Variants in ADGRE5 observed in about 807,000 individuals in gnomAD.
ADGRE5 encodes the protein adhesion G protein-coupled receptor E5, also known as CD97 molecule.
A neutral mutation model predicts 100.3 loss-of-function variants in ADGRE5; 72 were observed. That is an observed-to-expected ratio of 0.72 (90% CI 0.59 to 0.87). The LOEUF (loss-of-function observed/expected upper bound fraction) is 0.87. Ranked by LOEUF, ADGRE5 falls within the 40% of genes least tolerant of loss-of-function variation. ADGRE5 has a pLI of 0.00. For missense variants in ADGRE5, 959 were observed against 1,094.7 expected (o/e 0.88, Z 1.75); for synonymous variants, 439 against 447.8 (o/e 0.98, Z 0.25).
At position 14,391,018 on chromosome 19, in the gene ADGRE5, G is replaced by A. The variant is rs147816079; in HGVS notation, c.285G>A (p.Pro95=). ...TEGSYDCVCS[P]GYEPVSGAKT... ...GGAGCTACGACTGCGTGTGCAGCCC[G>A]GGATATGAGCCTGTTTCTGGGGCAA... The change falls in exon 4 of 20, where the codon CCG becomes CCA. Residue 95 remains proline, a synonymous_variant. Transcript: ENST00000242786. 67 of 1,614,096 alleles carry A rather than the reference G, an allele frequency of 4.2e-5. No homozygotes were observed. Among genetic ancestry groups the A allele is most frequent in the African/African-American group, 1.7e-4 (13 of 74,930 alleles).
intron 12 of ADGRE5, among the ~76,000 whole-genome samples, chr19:14,403,916 A>G (rs8102011): frequency 0.044 from 5,017 of 113,324 alleles, 121 homozygotes; most frequent in Middle Eastern, 0.1. Flanking sequence ...CACTCTTGTC[A>G]TCCAGGCTGG....
rs1976004003 is a variant in ADGRE5 at position 14,401,403 on chromosome 19, G to A, written c.915G>A (p.Val305=). ...CCCCCTAGAATGTCATCAAATTGGTGGATGAACTGATGGAAGCTCCTGGAG... is the reference window on the plus strand; with the variant it reads ...CCCCCTAGAATGTCATCAAATTGGTAGATGAACTGATGGAAGCTCCTGGAG... ...EVTIQNVIKL[V]DELMEAPGDV... is the part of the protein sequence containing the mutation. Residue 305 remains valine (V), a synonymous_variant, in exon 10 of 20, where the codon GTG becomes GTA. Coordinates refer to ENST00000242786, the MANE Select transcript of ADGRE5 (RefSeq NM_078481.4). This position sits in a 1 kb window ranked among gnomAD's most constrained non-coding sequence, Gnocchi z 4.1. The A allele has an allele frequency of 6.2e-7, 1 of 1,613,924 alleles. No individual in the cohort carries two copies. Among genetic ancestry groups the A allele is most frequent in the Admixed American group, 1.7e-5 (1 of 59,976 alleles).
chr19:14,402,701 T>A lies in ADGRE5; in HGVS notation c.1288T>A (p.Tyr430Asn). The change falls in exon 12 of 20, where the codon TAT (tyrosine) becomes AAT (asparagine). Residue 430 changes from tyrosine (Y) to asparagine (N), a missense_variant. By Grantham distance (143) the Tyr-to-Asn change is moderately radical. Around this residue, in one of 6 missense-constraint regions of ADGRE5, gnomAD observed 246 missense variants for 242.2 expected, o/e 1.02. Coordinates refer to ENST00000242786, the MANE Select transcript of ADGRE5 (RefSeq NM_078481.4). ...GAAGCAAGCCGAACTGGAGGAGATA[T>A]ATGAAAGCAGCATCCGTGGTGTCCA... ...SKKQAELEEI[Y>N]ESSIRGVQLR... The A allele has an allele frequency of 6.2e-7, 1 of 1,614,092 alleles. No homozygotes were observed. Among genetic ancestry groups the A allele is most frequent in the East Asian group, 2.2e-5 (1 of 44,874 alleles).
intron 3 of ADGRE5, among the ~76,000 whole-genome samples, chr19:14,389,826 TG>T (rs1975531510): frequency 6.6e-6 from 1 of 151,064 alleles, no homozygotes; most frequent in Non-Finnish European, 1.5e-5. Flanking sequence ...CCCAGCAGTT[TG>T]GGAGGCCAAG....
At chr19:14,397,001 G>A (rs1331195773) in intron 5 of ADGRE5, 76 bp from the exon 6 acceptor site, 10 of 1,444,548 alleles carry the variant, frequency 6.9e-6, no homozygotes, top group Non-Finnish European at 9.4e-6. Context: ...GAAAAGATAG[G>A]GGAGTGGGTG....
intron 3 of ADGRE5, among the ~76,000 whole-genome samples, chr19:14,389,069 A>G (rs1203219868): frequency 2.2e-5 from 3 of 136,074 alleles, no homozygotes; most frequent in Non-Finnish European, 4.7e-5. Context: ...ATTTGAGCCC[A>G]AGAGTTTGAG....
intron 1 of ADGRE5, among the ~76,000 whole-genome samples, chr19:14,382,936 A>G (rs1975212922): frequency 6.6e-6 from 1 of 151,972 alleles, no homozygotes; most frequent in Admixed American, 6.6e-5. Context: ...GGGTTTCACC[A>G]TGATGGCCAG....
chr19:14,382,380 C>T (rs1467255133), intron 1 of ADGRE5, among the ~76,000 whole-genome samples: 2 of 152,168 alleles, frequency 1.3e-5, no homozygotes, highest in African/African-American at 4.8e-5. Context: ...GTTGCCAAGA[C>T]CTGGCTTCCC....
At chr19:14,397,832 C>T (rs1264583198) in intron 7 of ADGRE5, 28 bp downstream of exon 7, 3 of 841,004 alleles carry the variant, frequency 3.6e-6, no homozygotes, top group Admixed American at 7.9e-5. Context: ...AAGCTCCCCA[C>T]CCCCAGCACA....
At chr19:14,382,989 G>A (rs949535190) in intron 1 of ADGRE5, among the ~76,000 whole-genome samples, 2 of 151,900 alleles carry the variant, frequency 1.3e-5, no homozygotes, top group South Asian at 2.1e-4. Flanking sequence ...ACCCGCCTCC[G>A]CCTCCCAAAG....
intron 1 of ADGRE5, among the ~76,000 whole-genome samples, chr19:14,386,036 G>A (rs1261775915): frequency 6.6e-6 from 1 of 151,694 alleles, no homozygotes; most frequent in South Asian, 2.1e-4. Context: ...CTCCCAAAGT[G>A]CTGGGATTAC....
At chr19:14,398,674 CAAAAA>C (rs71164256) in intron 9 of ADGRE5, among the ~76,000 whole-genome samples, 2 of 53,082 alleles carry the variant, frequency 3.8e-5, no homozygotes, top group East Asian at 1.1e-3. Context: ...GACTCTGTCT[CAAAAA>C]AAAAAAAAAA....
intron 3 of ADGRE5, among the ~76,000 whole-genome samples, chr19:14,389,295 A>ACGGGGAAGGGGC (rs1373534756): frequency 6.9e-4 from 1 of 1,448 alleles, no homozygotes; most frequent in African/African-American, 3.2e-3. Context: ...GGGGAAGGGG[A>ACGGGGAAGGGGC]GGGGAAGGGG....
intron 12 of ADGRE5, among the ~76,000 whole-genome samples, chr19:14,403,565 G>C (rs569556003): frequency 2.0e-4 from 31 of 152,116 alleles, no homozygotes; most frequent in African/African-American, 7.2e-4. Flanking sequence ...TTTTTCCCAG[G>C]ATGGTCTAGA....
At position 14,383,968 on chromosome 19, in the gene ADGRE5, A is replaced by G. The variant is rs564797087; in HGVS notation, c.22+2423A>G. 2.6e-4 allele frequency among the ~76,000 whole-genome samples: 39 copies of G among 152,170 alleles called. 1 individual carries two copies. Among genetic ancestry groups the G allele is most frequent in the African/African-American group, 8.7e-4 (36 of 41,506 alleles). On this transcript the variant is annotated intron_variant, in intron 1 of 19. Transcript: ENST00000242786. ...CAGTTTCTCTATCTGTAGAATGGGC[A>G]TCAACACAGCCCCTGCCTCCTAGAG...
intron 3 of ADGRE5, among the ~76,000 whole-genome samples, chr19:14,389,331 GGGGGGAAGGGGAGGGGA>G: frequency 5.6e-5 from 1 of 17,844 alleles, no homozygotes; most frequent in South Asian, 2.7e-3. Flanking sequence ...GGGGGAGGGA[GGGGGGAAGGGGAGGGGA>G]AGGGGAGGGG....
Position 14,397,808 on chromosome 19 carries a change from T to C in ADGRE5, c.772+4T>C. 9.2e-7 allele frequency: 1 copy of C among 1,092,300 alleles called. No individual in the cohort carries two copies. Among genetic ancestry groups the C allele is most frequent in the Non-Finnish European group, 1.3e-6 (1 of 796,002 alleles). 67.7% of individuals were successfully genotyped at this position (1,092,300 alleles called of 1,614,324 possible). A position where few individuals can be genotyped will look rare whatever the true frequency, so the allele number is the denominator to read the frequency against. ...CAAAAGGACACTGTCTGTGAAGGTA[T>C]GACCTGGCCCTAGAAGCTCCCCACC... On this transcript the variant is annotated splice_donor_region_variant and intron_variant, in intron 7 of 19. Coordinates refer to ENST00000242786, the MANE Select transcript of ADGRE5 (RefSeq NM_078481.4).
chr19:14,406,259 G>T lies in ADGRE5; in HGVS notation c.1822-72G>T. On this transcript the variant is annotated intron_variant, in intron 14 of 19. Transcript: ENST00000242786. This position sits in a 1 kb window ranked among gnomAD's most constrained non-coding sequence, Gnocchi z 6.0. ...TCCCGCCCACTCTCGGGACCTGGCAGGCGACTGGCTCTGGCGCCGCATGCC... is the reference window on the plus strand; with the variant it reads ...TCCCGCCCACTCTCGGGACCTGGCATGCGACTGGCTCTGGCGCCGCATGCC... 2 of 1,227,378 alleles carry T rather than the reference G, an allele frequency of 1.6e-6. No individual in the cohort carries two copies. Among genetic ancestry groups the T allele is most frequent in the Non-Finnish European group, 2.2e-6 (2 of 890,182 alleles). The allele number at this position is 1,227,378 out of a possible 1,614,324, so 76.0% of individuals were successfully genotyped here.
Position 14,408,089 on chromosome 19 carries a change from C to T in ADGRE5, c.2479-3C>T, listed in dbSNP as rs751547125. 2.5e-6 allele frequency: 4 copies of T among 1,613,788 alleles called. No homozygotes were observed. Among genetic ancestry groups the T allele is most frequent in the East Asian group, 4.5e-5 (2 of 44,898 alleles). Reference sequence around the variant, plus strand: ...GCTCAGGCCTCTGGGCTCTCCTCTCCAGGCCCTCAGGGCATCAGAGTCCGG... The same window carrying T: ...GCTCAGGCCTCTGGGCTCTCCTCTCTAGGCCCTCAGGGCATCAGAGTCCGG... On this transcript the variant is annotated splice_polypyrimidine_tract_variant and splice_region_variant and intron_variant, in intron 19 of 19. Coordinates refer to ENST00000242786, the MANE Select transcript of ADGRE5 (RefSeq NM_078481.4).
Sources: gnomAD v4.1 joint callset for allele counts (sites outside exome capture counted in the v4.1 genomes callset) on GRCh38, gnomAD v4.1.1 for gene constraint, gnomAD v4.1.1 regional missense constraint, Gnocchi (gnomAD v3.1) non-coding constraint, MANE v1.5 for transcripts, NCBI Gene and HGNC (gene_info 2026-07-23, HGNC 2026-07-21) for gene names.